GRXCR1: variants seen among roughly 807,000 people sequenced by gnomAD.
The protein encoded by GRXCR1 is glutaredoxin domain-containing cysteine-rich protein 1.
GRXCR1 carries 27 observed loss-of-function variants against 27.3 expected under a neutral mutation model. The ratio of observed to expected loss-of-function variants is 0.99; its 90% CI spans 0.73 to 1.37. The LOEUF is 1.37. Ranked by LOEUF, GRXCR1 falls within the 40% of genes most tolerant of loss-of-function variation. The pLI is 0.00. For synonymous variants in GRXCR1, 122 were observed against 131.1 expected (o/e 0.93, Z 0.47); for missense variants, 379 against 354.4 (o/e 1.07, Z -0.56).
chr4:42,929,735 GC>G (rs1481981234), intron 1 of GRXCR1, among the ~76,000 whole-genome samples: 2 of 151,796 alleles, frequency 1.3e-5, no homozygotes, highest in Non-Finnish European at 2.9e-5. Context: ...GACCCAAGCT[GC>G]CCCCATCCAA....
At chr4:42,990,874 T>G (rs544636083) in intron 2 of GRXCR1, among the ~76,000 whole-genome samples, 6 of 152,282 alleles carry the variant, frequency 3.9e-5, no homozygotes, top group African/African-American at 1.4e-4. Flanking sequence ...ACACAGTTGT[T>G]AAATTACATC....
chr4:42,949,626 ATAGAGT>A (rs1391968564), intron 1 of GRXCR1, among the ~76,000 whole-genome samples: 2 of 152,152 alleles, frequency 1.3e-5, no homozygotes, highest in Non-Finnish European at 2.9e-5. Context: ...TACCTTACTT[ATAGAGT>A]TAAAGGACTC....
chr4:42,950,306 T>C (rs553385908), intron 1 of GRXCR1, among the ~76,000 whole-genome samples: 27 of 152,246 alleles, frequency 1.8e-4, no homozygotes, highest in African/African-American at 6.0e-4. Flanking sequence ...TTTTAACAAA[T>C]AAGAGGAAAA....
chr4:42,896,165 A>G (rs971679290), intron 1 of GRXCR1, among the ~76,000 whole-genome samples: 3 of 152,140 alleles, frequency 2.0e-5, no homozygotes. Context: ...CTTCTTCTGT[A>G]TTAGTTTCCC....
At position 42,893,725 on chromosome 4, in the gene GRXCR1, A is replaced by G. The variant is rs1746286749; in HGVS notation, c.384+75A>G. 90 of 1,416,984 alleles carry G rather than the reference A, an allele frequency of 6.4e-5. No individual in the cohort carries two copies. In the South Asian group the frequency reaches 9.5e-4, roughly 15 times the overall value. 87.8% of individuals were successfully genotyped at this position (1,416,984 alleles called of 1,614,324 possible). On this transcript the variant is annotated intron_variant, in intron 1 of 3. Transcript: ENST00000399770. Reference sequence around the variant, plus strand: ...CTGAACACCTCTCAGTTCTCCAGTTAAAGCAAGCCTCTCTTATTTGCAACT... The same window carrying G: ...CTGAACACCTCTCAGTTCTCCAGTTGAAGCAAGCCTCTCTTATTTGCAACT...
chr4:42,908,007 G>A lies in GRXCR1; in HGVS notation c.384+14357G>A, dbSNP rs976046208. Reference sequence around the variant, plus strand: ...ATAATAACCACTGGTTTAGGTATAAGTGGCATCCTGAAGAGTGATGCTGCC... The same window carrying A: ...ATAATAACCACTGGTTTAGGTATAAATGGCATCCTGAAGAGTGATGCTGCC... On this transcript the variant is annotated intron_variant, in intron 1 of 3. Transcript: ENST00000399770. Among the ~76,000 whole-genome samples, 3 of 152,166 alleles carry A rather than the reference G, an allele frequency of 2.0e-5. No individual in the cohort carries two copies. The East Asian group carries it at 5.8e-4, about 29-fold the overall frequency.
chr4:42,905,833 C>T (rs945907354), intron 1 of GRXCR1, among the ~76,000 whole-genome samples: 2 of 152,152 alleles, frequency 1.3e-5, no homozygotes, highest in African/African-American at 4.8e-5. Flanking sequence ...AGGAATGTAT[C>T]TGGCATTGCC....
chr4:42,951,962 T>A (rs947261722), intron 1 of GRXCR1, among the ~76,000 whole-genome samples: 1 of 152,184 alleles, frequency 6.6e-6, no homozygotes, highest in Non-Finnish European at 1.5e-5. Context: ...AAATGGATAA[T>A]TCCTGAGGAA....
intron 1 of GRXCR1, among the ~76,000 whole-genome samples, chr4:42,916,183 T>G (rs1433689461): frequency 6.6e-6 from 1 of 150,804 alleles, no homozygotes; most frequent in Non-Finnish European, 1.5e-5. Context: ...ACTCAAGAAA[T>G]ACTGGATGCA....
chr4:42,962,078 A>G (rs1560666102), intron 1 of GRXCR1, among the ~76,000 whole-genome samples: 1 of 151,978 alleles, frequency 6.6e-6, no homozygotes, highest in South Asian at 2.1e-4. Flanking sequence ...ATGGCTCTTC[A>G]GCACACATTA....
chr4:42,898,545 A>C (rs10517057), intron 1 of GRXCR1, among the ~76,000 whole-genome samples: 39,579 of 151,926 alleles, frequency 0.26, 6,445 homozygotes, highest in Non-Finnish European at 0.36. Flanking sequence ...CAGTAAAAAC[A>C]AGGTGATATT....
intron 2 of GRXCR1, among the ~76,000 whole-genome samples, chr4:42,992,031 A>G (rs555780140): frequency 1.3e-5 from 2 of 152,162 alleles, no homozygotes; most frequent in Non-Finnish European, 2.9e-5. Context: ...AGCATCTGAC[A>G]TGTGGATGGT....
intron 1 of GRXCR1, among the ~76,000 whole-genome samples, chr4:42,957,101 G>A (rs79536038): frequency 5.9e-5 from 9 of 151,978 alleles, no homozygotes; most frequent in African/African-American, 1.9e-4. Context: ...CTTTGTACTT[G>A]CATGAAATGC....
At chr4:43,016,643 G>A (rs1402471917) in intron 2 of GRXCR1, among the ~76,000 whole-genome samples, 1 of 151,996 alleles carries the variant, frequency 6.6e-6, no homozygotes, top group Non-Finnish European at 1.5e-5. Context: ...TTGTGTGTGT[G>A]TGTGTGTGTG....
intron 2 of GRXCR1, among the ~76,000 whole-genome samples, chr4:43,008,589 A>T (rs1712638089): frequency 6.6e-6 from 1 of 152,252 alleles, no homozygotes. Flanking sequence ...AAAGTAATTT[A>T]TTAAGCATTT....
At chr4:43,025,632 C>T (rs1204144494) in intron 3 of GRXCR1, among the ~76,000 whole-genome samples, 1 of 152,208 alleles carries the variant, frequency 6.6e-6, no homozygotes, top group Non-Finnish European at 1.5e-5. Flanking sequence ...TGCCTGGATT[C>T]TTAATTGCTT....
chr4:42,921,276 T>G (rs909389243), intron 1 of GRXCR1, among the ~76,000 whole-genome samples: 4 of 152,228 alleles, frequency 2.6e-5, no homozygotes, highest in African/African-American at 9.6e-5. Flanking sequence ...GGTACCTTGA[T>G]CCTGGACTTC....
intron 1 of GRXCR1, among the ~76,000 whole-genome samples, chr4:42,922,150 TA>T (rs1435836892): frequency 2.0e-5 from 3 of 152,122 alleles, no homozygotes; most frequent in Non-Finnish European, 2.9e-5. Flanking sequence ...TTTTGATAGA[TA>T]TATATTTATA....
At chr4:43,024,705 G>T (rs1280451282) in intron 3 of GRXCR1, among the ~76,000 whole-genome samples, 1 of 152,146 alleles carries the variant, frequency 6.6e-6, no homozygotes, top group African/African-American at 2.4e-5. Context: ...GATCAGAAAA[G>T]ATTCTATTTA....
Sources: gnomAD v4.1 joint callset for allele counts (sites outside exome capture counted in the v4.1 genomes callset) on GRCh38, gnomAD v4.1.1 for gene constraint, MANE v1.5 for transcripts, NCBI Gene and HGNC (gene_info 2026-07-23, HGNC 2026-07-21) for gene names.